PPP2R3A: variants seen among roughly 807,000 people sequenced by gnomAD.
PPP2R3A encodes protein phosphatase 2 regulatory subunit B''alpha.
PPP2R3A carries 80 observed loss-of-function variants against 106.9 expected under a neutral mutation model. The ratio of observed to expected loss-of-function variants is 0.75; its 90% CI spans 0.62 to 0.90. The LOEUF (loss-of-function observed/expected upper bound fraction) is 0.90. Ranked by LOEUF, PPP2R3A falls within the 40% of genes least tolerant of loss-of-function variation. The pLI is 0.00. For synonymous variants in PPP2R3A, 483 were observed against 468.3 expected (o/e 1.03, Z -0.41); for missense variants, 1,386 against 1,350.4 (o/e 1.03, Z -0.41).
intron 13 of PPP2R3A, among the ~76,000 whole-genome samples, chr3:136,117,029 A>G (rs1937790248): frequency 6.6e-6 from 1 of 152,198 alleles, no homozygotes; most frequent in South Asian, 2.1e-4. Context: ...AGAAATCACA[A>G]CAAACTATCT....
At chr3:136,047,567 A>G (rs1047722058) in intron 4 of PPP2R3A, among the ~76,000 whole-genome samples, 1 of 152,178 alleles carries the variant, frequency 6.6e-6, no homozygotes, top group Non-Finnish European at 1.5e-5. Context: ...ATATGTTCTC[A>G]CTTGTAAGTG....
At chr3:136,085,030 CTT>C (rs1399307378) in intron 8 of PPP2R3A, among the ~76,000 whole-genome samples, 1 of 152,130 alleles carries the variant, frequency 6.6e-6, no homozygotes, top group Non-Finnish European at 1.5e-5. Flanking sequence ...TGAGTTAAGA[CTT>C]TGGGGGGACT....
chr3:135,996,311 C>T (rs1039199702), intron 1 of PPP2R3A, among the ~76,000 whole-genome samples: 3 of 152,154 alleles, frequency 2.0e-5, no homozygotes, highest in Non-Finnish European at 4.4e-5. Flanking sequence ...TCTAAACTGT[C>T]ATTTTTGTGA....
At chr3:136,062,164 A>G (rs1936099757) in intron 5 of PPP2R3A, among the ~76,000 whole-genome samples, 1 of 152,150 alleles carries the variant, frequency 6.6e-6, no homozygotes, top group South Asian at 2.1e-4. Flanking sequence ...GGACTGAGAA[A>G]GTTTATCTCC....
At chr3:136,143,228 C>A (rs1430205992) in intron 13 of PPP2R3A, among the ~76,000 whole-genome samples, 2 of 152,234 alleles carry the variant, frequency 1.3e-5, no homozygotes, top group African/African-American at 4.8e-5. Context: ...GTGGCTCACA[C>A]CTTTAATCCC....
chr3:136,101,176 C>T (rs1003390884), intron 10 of PPP2R3A, among the ~76,000 whole-genome samples: 2 of 152,166 alleles, frequency 1.3e-5, no homozygotes, highest in Admixed American at 6.5e-5. Flanking sequence ...ATTGACAGAG[C>T]ACCTCATGGA....
intron 13 of PPP2R3A, among the ~76,000 whole-genome samples, chr3:136,129,704 G>C (rs1247931019): frequency 2.6e-5 from 4 of 152,102 alleles, no homozygotes; most frequent in African/African-American, 9.7e-5. Context: ...GCCTACCAGA[G>C]ACACAACAAA....
chr3:136,106,676 C>T, intron 13 of PPP2R3A: 1 of 206,212 alleles, frequency 4.8e-6, no homozygotes, highest in Non-Finnish European at 9.7e-6. Context: ...AATCTCAGCA[C>T]TTTGGGAGGC....
At chr3:136,136,074 T>TATA (rs1491542071) in intron 13 of PPP2R3A, among the ~76,000 whole-genome samples, 677 of 30,302 alleles carry the variant, frequency 0.022, 29 homozygotes, top group African/African-American at 0.046. Context: ...AAAAAAAAAA[T>TATA]TATATATATA....
At chr3:135,991,041 C>T (rs993817983) in intron 1 of PPP2R3A, among the ~76,000 whole-genome samples, 7 of 152,098 alleles carry the variant, frequency 4.6e-5, no homozygotes, top group African/African-American at 7.2e-5. Flanking sequence ...TGCTTTGCTC[C>T]CTCTTACAGG....
chr3:136,106,407 T>A (rs1433982446), intron 13 of PPP2R3A, 85 bp downstream of exon 13: 1 of 1,184,894 alleles, frequency 8.4e-7, no homozygotes, highest in African/African-American at 1.6e-5. Context: ...AAAATCCTTT[T>A]CTGTTTTTTC....
At chr3:136,013,687 C>G (rs1377254995) in intron 2 of PPP2R3A, among the ~76,000 whole-genome samples, 2 of 152,070 alleles carry the variant, frequency 1.3e-5, no homozygotes, top group Non-Finnish European at 1.5e-5. Flanking sequence ...CCTTAGCCCA[C>G]TTTCTGATGG....
At chr3:136,097,206 AAAAG>A (rs1459446139) in intron 10 of PPP2R3A, among the ~76,000 whole-genome samples, 1 of 152,176 alleles carries the variant, frequency 6.6e-6, no homozygotes, top group African/African-American at 2.4e-5. Context: ...GAAAAAAAAA[AAAAG>A]AATCTGCAAT....
Position 136,114,122 on chromosome 3 carries a change from G to A in PPP2R3A, c.3329+7800G>A, listed in dbSNP as rs188762822. On this transcript the variant is annotated intron_variant, in intron 13 of 13. Transcript: ENST00000264977. ...AGGTGCAGCCCATGGAGGGTGACCC[G>A]AAGCAGGGTGGGGCATCGCCTCACC... 1.4e-3 allele frequency among the ~76,000 whole-genome samples: 219 copies of A among 152,218 alleles called. 3 individuals carry two copies. Among genetic ancestry groups the A allele is most frequent in the African/African-American group, 4.6e-3 (192 of 41,542 alleles).
intron 10 of PPP2R3A, among the ~76,000 whole-genome samples, chr3:136,091,056 C>T (rs918160869): frequency 5.9e-5 from 9 of 152,210 alleles, no homozygotes; most frequent in Non-Finnish European, 1.0e-4. Context: ...AGAACACATC[C>T]TCAGTCTGCC....
At chr3:135,965,988 C>T (rs1937070151) in intron 1 of PPP2R3A, 139 bp downstream of exon 1, 1 of 153,240 alleles carries the variant, frequency 6.5e-6, no homozygotes, top group South Asian at 1.9e-4. Context: ...CCGGCCTGGC[C>T]AGAGGGGCCA....
At position 136,103,126 on chromosome 3, in the gene PPP2R3A, A is replaced by C. The variant is rs370068207; in HGVS notation, c.3104-132A>C. On this transcript the variant is annotated intron_variant, in intron 11 of 13. Transcript: ENST00000264977. ...ACCCTTGAAAAAAGAAATGAGATTT[A>C]AATTTTTTTATTCTGAAAATAGGAC... 1.9e-4 allele frequency: 97 copies of C among 514,622 alleles called. No homozygotes were observed. The East Asian group carries it at 2.7e-3, about 14-fold the overall frequency. The allele number at this position is 514,622 out of a possible 1,614,324, so 31.9% of individuals were successfully genotyped here.
At chr3:136,008,513 G>A (rs935470704) in intron 2 of PPP2R3A, among the ~76,000 whole-genome samples, 2 of 152,142 alleles carry the variant, frequency 1.3e-5, no homozygotes, top group Non-Finnish European at 2.9e-5. Flanking sequence ...CATTCTTTCT[G>A]ATTAACATCA....
At chr3:136,027,173 C>T (rs1280913161) in intron 3 of PPP2R3A, 75 bp downstream of exon 3, 5 of 1,336,976 alleles carry the variant, frequency 3.7e-6, no homozygotes, top group Non-Finnish European at 4.0e-6. Flanking sequence ...TCTAGAAACC[C>T]GGATCCCACC....
Sources: allele counts gnomAD v4.1 joint callset (sites outside exome capture counted in the v4.1 genomes callset), GRCh38; gene constraint gnomAD v4.1.1; transcripts MANE v1.5; gene names NCBI Gene and HGNC (gene_info 2026-07-23, HGNC 2026-07-21).